KDM4B: variants seen among roughly 807,000 people sequenced by gnomAD.
KDM4B encodes lysine demethylase 4B, also known as lysine-specific demethylase 4B.
Under a neutral mutation model 125.2 loss-of-function variants are expected in KDM4B, and 32 were observed. That is an observed-to-expected ratio of 0.26 (90% CI 0.19 to 0.34). The LOEUF is 0.34. Ranked by LOEUF, KDM4B falls within the 10% of genes least tolerant of loss-of-function variation. The pLI is 1.00. For synonymous variants in KDM4B, 721 were observed against 677.9 expected, an observed-to-expected ratio of 1.06 and a Z score of -0.99; for missense variants, 1,190 against 1,577.7, an observed-to-expected ratio of 0.75 and a Z score of 4.16.
chr19:5,110,723 G>C lies in KDM4B; in HGVS notation c.1020G>C (p.Thr340=). 1 of 1,612,794 alleles carries C rather than the reference G, an allele frequency of 6.2e-7. No individual in the cohort carries two copies. Among genetic ancestry groups the C allele is most frequent in the Non-Finnish European group, 8.5e-7 (1 of 1,179,828 alleles). Residue 340 remains threonine (T), a synonymous_variant, in exon 10 of 23, where the codon ACG becomes ACC. Transcript: ENST00000159111. ...YELWKQGKDL[T]VLDHTRPTAL... Reference sequence around the variant, plus strand: ...TGTGGAAGCAGGGCAAGGACCTCACGGTGCTGGACCACACGCGGCCCACGG... The same window carrying C: ...TGTGGAAGCAGGGCAAGGACCTCACCGTGCTGGACCACACGCGGCCCACGG...
chr19:4,995,480 T>C (rs1418786046), intron 1 of KDM4B, among the ~76,000 whole-genome samples: 1 of 152,178 alleles, frequency 6.6e-6, no homozygotes, highest in African/African-American at 2.4e-5. Flanking sequence ...AGTTTCTCCA[T>C]GTTGGCCAGG....
chr19:4,979,960 C>A (rs746245758), intron 1 of KDM4B, among the ~76,000 whole-genome samples: 21 of 151,960 alleles, frequency 1.4e-4, no homozygotes, highest in Admixed American at 1.3e-4. Context: ...AAAGAATTAG[C>A]CAGGCATAGT....
Position 5,151,543 on chromosome 19 carries a change from G to A in KDM4B, c.*32G>A, listed in dbSNP as rs767706189. 86 of 1,316,224 alleles carry A rather than the reference G, an allele frequency of 6.5e-5. 1 individual carries two copies. The East Asian group carries it at 2.3e-3, about 36-fold the overall frequency. 81.5% of individuals were successfully genotyped at this position (1,316,224 alleles called of 1,614,324 possible). A position where few individuals can be genotyped will look rare whatever the true frequency, so the allele number is the denominator to read the frequency against. ...TGGCCGCTCAGGCGACCCTCAGCCCGGCGGGGAGGCCATGGCATGCCCCGG... is the reference window on the plus strand; with the variant it reads ...TGGCCGCTCAGGCGACCCTCAGCCCAGCGGGGAGGCCATGGCATGCCCCGG... On this transcript the variant is annotated 3_prime_UTR_variant, in exon 23 of 23. Transcript: ENST00000159111.
At chr19:5,063,566 T>C (rs1482931485) in intron 6 of KDM4B, among the ~76,000 whole-genome samples, 1 of 152,206 alleles carries the variant, frequency 6.6e-6, no homozygotes, top group Non-Finnish European at 1.5e-5. Flanking sequence ...GTGGGGCCTG[T>C]GTTGACTTGG....
intron 22 of KDM4B, 102 bp downstream of exon 22, chr19:5,150,552 C>T: frequency 1.2e-6 from 1 of 805,012 alleles, no homozygotes; most frequent in Non-Finnish European, 2.0e-6. Flanking sequence ...GGACCACCCC[C>T]TCCTCTTGCA....
At chr19:5,058,608 A>G (rs2037483123) in intron 6 of KDM4B, among the ~76,000 whole-genome samples, 2 of 152,216 alleles carry the variant, frequency 1.3e-5, no homozygotes, top group Admixed American at 6.5e-5. Flanking sequence ...TGGACCCTGC[A>G]GGGGCTGCCT....
chr19:5,038,437 G>C (rs536910531), intron 3 of KDM4B, among the ~76,000 whole-genome samples: 2 of 152,364 alleles, frequency 1.3e-5, no homozygotes, highest in Admixed American at 1.3e-4. Flanking sequence ...TCTCCAGAAA[G>C]AGCCGGCGCT....
chr19:5,140,151 C>CAAATCTGCAGCCTCGCT (rs1273426163), intron 18 of KDM4B: 1 of 152,664 alleles, frequency 6.6e-6, no homozygotes, highest in Non-Finnish European at 1.5e-5. Flanking sequence ...CAGGGCTTGT[C>CAAATCTGCAGCCTCGCT]AAATCTGCAG....
chr19:5,135,960 A>G (rs1470017680), intron 15 of KDM4B, among the ~76,000 whole-genome samples: 2 of 152,180 alleles, frequency 1.3e-5, no homozygotes, highest in East Asian at 1.9e-4. Flanking sequence ...TGTCCCTGAC[A>G]CCCAGAAGCT....
intron 13 of KDM4B, among the ~76,000 whole-genome samples, chr19:5,132,265 G>A (rs1020521346): frequency 1.2e-4 from 19 of 152,112 alleles, no homozygotes; most frequent in Non-Finnish European, 2.6e-4. Context: ...TTCAGGGCTG[G>A]GGAGCTTGTA....
chr19:5,079,121 C>T (rs1006853686), intron 8 of KDM4B: 1 of 152,186 alleles, frequency 6.6e-6, no homozygotes, highest in Non-Finnish European at 1.5e-5. Flanking sequence ...GAGAAAAAGC[C>T]GATCAATAGC....
At chr19:5,028,138 A>T (rs1276791433) in intron 2 of KDM4B, among the ~76,000 whole-genome samples, 1 of 151,936 alleles carries the variant, frequency 6.6e-6, no homozygotes, top group Non-Finnish European at 1.5e-5. Flanking sequence ...TGCCTGGCTA[A>T]TTTTTTATTT....
intron 1 of KDM4B, among the ~76,000 whole-genome samples, chr19:4,978,312 G>A (rs1162940665): frequency 1.3e-5 from 2 of 151,870 alleles, no homozygotes; most frequent in African/African-American, 2.4e-5. Context: ...TTCAAGACCA[G>A]CCTGGCCAAC....
At chr19:5,090,629 G>A (rs142269398) in intron 9 of KDM4B, among the ~76,000 whole-genome samples, 5,050 of 97,520 alleles carry the variant, frequency 0.052, 199 homozygotes, top group African/African-American at 0.081. Flanking sequence ...TCCCCGCTGC[G>A]CGCGTGCGCC....
intron 13 of KDM4B, 93 bp from the exon 14 acceptor site, chr19:5,133,790 C>A (rs926251784): frequency 5.8e-6 from 8 of 1,368,886 alleles, no homozygotes; most frequent in Admixed American, 3.9e-5. Context: ...GGGCTGTAGA[C>A]CCGGGGCCAT....
At chr19:5,146,939 CAAAAAAAA>C (rs1182135277) in intron 21 of KDM4B, among the ~76,000 whole-genome samples, 1 of 60,556 alleles carries the variant, frequency 1.7e-5, no homozygotes, top group Non-Finnish European at 2.8e-5. Flanking sequence ...ACCCTGTCTC[CAAAAAAAA>C]AAAAAAAAAA....
At chr19:5,020,141 G>A (rs1197468065) in intron 2 of KDM4B, among the ~76,000 whole-genome samples, 1 of 111,008 alleles carries the variant, frequency 9.0e-6, no homozygotes, top group Middle Eastern at 4.6e-3. Flanking sequence ...TGGTGTGGAT[G>A]TTGGTGTGCA....
At chr19:5,052,643 C>CTCCT (rs1394284403) in intron 6 of KDM4B, among the ~76,000 whole-genome samples, 2 of 152,224 alleles carry the variant, frequency 1.3e-5, no homozygotes, top group Non-Finnish European at 2.9e-5. Flanking sequence ...ACCTCCCTCC[C>CTCCT]TCCTGGGCTC....
chr19:5,057,303 T>C (rs528523559), intron 6 of KDM4B, among the ~76,000 whole-genome samples: 2 of 152,306 alleles, frequency 1.3e-5, no homozygotes, highest in South Asian at 4.1e-4. Flanking sequence ...ACAAATGGGC[T>C]GATTTCCTTG....
Sources: gnomAD v4.1 joint callset for allele counts (sites outside exome capture counted in the v4.1 genomes callset) on GRCh38, gnomAD v4.1.1 for gene constraint, MANE v1.5 for transcripts, NCBI Gene and HGNC (gene_info 2026-07-23, HGNC 2026-07-21) for gene names.